Variants in IBTK observed in about 807,000 individuals in gnomAD.
IBTK encodes BTK-binding protein.
IBTK carries 83 observed loss-of-function variants against 154.9 expected under a neutral mutation model. That is an observed-to-expected ratio of 0.54 (90% CI 0.45 to 0.64). The LOEUF (loss-of-function observed/expected upper bound fraction) is 0.64. Among genes scored for constraint, IBTK ranks in the 30% least tolerant of loss-of-function variants. The probability of loss-of-function intolerance (pLI) is 0.00; values close to 1 mark genes in which losing one functional copy is unlikely to be tolerated. For missense variants in IBTK, 1,332 were observed against 1,584.6 expected, an observed-to-expected ratio of 0.84 and a Z score of 2.71; for synonymous variants, 515 against 536.1, an observed-to-expected ratio of 0.96 and a Z score of 0.54.
chr6:82,177,356 G>A lies in IBTK; in HGVS notation c.3726-3918C>T, dbSNP rs115824257. Among the ~76,000 whole-genome samples, 1,135 of 151,756 alleles carry A rather than the reference G, an allele frequency of 7.5e-3. 19 individuals carry two copies. Among genetic ancestry groups the A allele is most frequent in the African/African-American group, 0.026 (1,084 of 41,394 alleles). ...TCCCTAGTAGCTAAATTACAGACAT[G>A]CACCACTATGCCTGGCTAGCTTATT... On this transcript the variant is annotated intron_variant, in intron 26 of 28. Coordinates refer to ENST00000306270, the MANE Select transcript of IBTK (RefSeq NM_015525.4).
At chr6:82,225,771 C>G in intron 5 of IBTK, 124 bp from the exon 6 acceptor site, 1 of 678,190 alleles carries the variant, frequency 1.5e-6, no homozygotes, top group Non-Finnish European at 2.4e-6. Flanking sequence ...CTGTATCTAT[C>G]ATAGGTAAAT....
chr6:82,214,042 G>T lies in IBTK; in HGVS notation c.2204+185C>A, dbSNP rs796804463. 7.2e-5 allele frequency among the ~76,000 whole-genome samples: 11 copies of T among 151,734 alleles called. No homozygotes were observed. In the East Asian group the frequency reaches 2.1e-3, roughly 29 times the overall value. ...GCAATCTCGGCTCACTGCAAGCTCC[G>T]CCTCCCGGGTTCAGGCCATTCTCCT... On this transcript the variant is annotated intron_variant, in intron 12 of 28. Transcript: ENST00000306270.
chr6:82,240,040 G>A (rs1448423751), intron 2 of IBTK, 126 bp downstream of exon 2: 4 of 704,354 alleles, frequency 5.7e-6, no homozygotes, highest in African/African-American at 3.6e-5. Flanking sequence ...AGTTACAGTA[G>A]TAAGAGATAG....
intron 4 of IBTK, among the ~76,000 whole-genome samples, chr6:82,229,242 G>T (rs984424588): frequency 1.3e-5 from 2 of 152,028 alleles, no homozygotes; most frequent in East Asian, 3.9e-4. Flanking sequence ...CACAAAACAC[G>T]CCCACTGCCT....
chr6:82,211,048 A>G (rs1018607269), intron 15 of IBTK, 138 bp from the exon 16 acceptor site: 2 of 474,116 alleles, frequency 4.2e-6, no homozygotes, highest in Non-Finnish European at 7.4e-6. Context: ...TACAAAACAC[A>G]TGGCTAAAAT....
At chr6:82,175,011 AT>A (rs995821286) in intron 26 of IBTK, 1 of 456,014 alleles carries the variant, frequency 2.2e-6, no homozygotes, top group Non-Finnish European at 4.4e-6. Context: ...AACTTCAATC[AT>A]TATGATAAAG....
At chr6:82,200,752 A>ATTTTT in intron 19 of IBTK, 44 bp from the exon 20 acceptor site, 4 of 501,274 alleles carry the variant, frequency 8.0e-6, no homozygotes, top group Non-Finnish European at 1.2e-5. Flanking sequence ...AAATCTGTGA[A>ATTTTT]GTTTTTTTTT....
intron 1 of IBTK, among the ~76,000 whole-genome samples, chr6:82,245,313 C>G (rs1037455150): frequency 6.6e-6 from 1 of 152,100 alleles, no homozygotes; most frequent in South Asian, 2.1e-4. Context: ...AGTCCCAACA[C>G]TTTGTTAGGC....
chr6:82,213,980 C>T (rs1345239362), intron 12 of IBTK, among the ~76,000 whole-genome samples: 1 of 151,340 alleles, frequency 6.6e-6, no homozygotes, highest in African/African-American at 2.4e-5. Flanking sequence ...CTTTGAGACA[C>T]AGTCTCGCTC....
At chr6:82,200,397 T>C (rs959567711) in intron 20 of IBTK, 144 bp from the exon 21 acceptor site, 3 of 738,782 alleles carry the variant, frequency 4.1e-6, no homozygotes, top group Non-Finnish European at 4.4e-6. Flanking sequence ...ATATTAATTA[T>C]GTATTTACTT....
In IBTK at chr6:82,171,032, T is replaced by C. The variant is rs1767909789; in HGVS notation, c.*393A>G. 1 of 154,122 alleles carries C rather than the reference T, an allele frequency of 6.5e-6. No individual in the cohort carries two copies. Among genetic ancestry groups the C allele is most frequent in the Admixed American group, 6.5e-5 (1 of 15,364 alleles). 9.5% of individuals were successfully genotyped at this position (154,122 alleles called of 1,614,324 possible). On this transcript the variant is annotated 3_prime_UTR_variant, in exon 29 of 29. Transcript: ENST00000306270. ...CTACTTTAAATTCATCAATGCCATA[T>C]TTAAGAAGTCAAGCAACAACACATA...
chr6:82,231,830 A>G lies in IBTK; in HGVS notation c.431T>C (p.Val144Ala), dbSNP rs1267471738. ...VVFKNTDPTD[V>A]YTWGDNTNFT... is the part of the protein sequence containing the mutation. ...ATTTGTATTATCGCCCCAAGTATAAACATCTGTAGGATCTAAAATAAAAAT... is the reference window on the plus strand; with the variant it reads ...ATTTGTATTATCGCCCCAAGTATAAGCATCTGTAGGATCTAAAATAAAAAT... Residue 144 changes from valine to alanine, a missense_variant, in exon 4 of 29, where the codon GTT (valine) becomes GCT (alanine). Transcript: ENST00000306270. 3 of 1,565,306 alleles carry G rather than the reference A, an allele frequency of 1.9e-6. No homozygotes were observed. The highest frequency in any genetic ancestry group is 2.6e-6 in the Non-Finnish European group (3 of 1,150,686).
chr6:82,194,334 CA>C, intron 23 of IBTK, 144 bp downstream of exon 23: 1 of 648,006 alleles, frequency 1.5e-6, no homozygotes, highest in South Asian at 4.0e-5. Context: ...AGCTGGTTAG[CA>C]ATTTGTAGGT....
chr6:82,194,677 G>A lies in IBTK; in HGVS notation c.3175-35C>T, dbSNP rs752538735. ...GAAAAAAAATAAAAAAAGTTAACAG[G>A]CACCTAGAACAGTAACTAACACATA... On this transcript the variant is annotated intron_variant, in intron 22 of 28. Coordinates refer to ENST00000306270, the MANE Select transcript of IBTK (RefSeq NM_015525.4). 4 of 1,509,538 alleles carry A rather than the reference G, an allele frequency of 2.6e-6. No homozygotes were observed. In the South Asian group the frequency reaches 5.5e-5, roughly 21 times the overall value. The allele number at this position is 1,509,538 out of a possible 1,614,324, so 93.5% of individuals were successfully genotyped here.
chr6:82,225,622 T>C lies in IBTK; in HGVS notation c.680A>G (p.Asn227Ser). 6.2e-7 allele frequency: 1 copy of C among 1,611,646 alleles called. No individual in the cohort carries two copies. The highest frequency in any genetic ancestry group is 8.5e-7 in the Non-Finnish European group (1 of 1,179,334). The change falls in exon 6 of 29, where the codon AAT becomes AGT. Residue 227 changes from asparagine (N) to serine (S), a missense_variant. Transcript: ENST00000306270. ...CLVPRLVEGL[N>S]GHNCSQVAAA... The stretch of plus-strand genomic sequence containing the variant: ...TGCCACTTGGGAACAATTATGACCA[T>C]TCAGTCCTTCCACAAGCCGAGGGAC...
In IBTK at chr6:82,201,420, A is replaced by C; in HGVS notation, c.2790+2T>G. The C allele has an allele frequency of 6.2e-7, 1 of 1,605,542 alleles. No individual in the cohort carries two copies. Among genetic ancestry groups the C allele is most frequent in the Non-Finnish European group, 8.5e-7 (1 of 1,174,502 alleles). On this transcript the variant is annotated splice_donor_variant, in intron 19 of 28. Coordinates refer to ENST00000306270, the MANE Select transcript of IBTK (RefSeq NM_015525.4). LOFTEE classifies it high-confidence loss of function. ...GCGAAAATCTTAAAACATAAACCTT[A>C]CCATTTTCCGGTAAAACTCAGAAAG...
intron 4 of IBTK, among the ~76,000 whole-genome samples, chr6:82,230,444 T>C (rs1257446308): frequency 6.6e-6 from 1 of 152,140 alleles, no homozygotes; most frequent in Non-Finnish European, 1.5e-5. Context: ...AGACAAATAA[T>C]TCTGGAGAAG....
In IBTK at chr6:82,240,846, A is replaced by G. The variant is rs750082478; in HGVS notation, c.-357-3T>C. ...ATATCCATAATTGCAAGGGTGACCTATAAGAGAAAGAGAAGAGAAAATAAA... is the reference window on the plus strand; with the variant it reads ...ATATCCATAATTGCAAGGGTGACCTGTAAGAGAAAGAGAAGAGAAAATAAA... On this transcript the variant is annotated splice_region_variant and splice_polypyrimidine_tract_variant and intron_variant, in intron 1 of 28. Transcript: ENST00000306270. 133 of 407,252 alleles carry G rather than the reference A, an allele frequency of 3.3e-4. No homozygotes were observed. Among genetic ancestry groups the G allele is most frequent in the Middle Eastern group, 1.2e-3 (2 of 1,626 alleles). 25.2% of individuals were successfully genotyped at this position (407,252 alleles called of 1,614,324 possible). A position where few individuals can be genotyped will look rare whatever the true frequency, so the allele number is the denominator to read the frequency against.
Position 82,240,161 on chromosome 6 carries a change from A to G in IBTK, c.321+5T>C, listed in dbSNP as rs1307824412. On this transcript the variant is annotated splice_donor_5th_base_variant and intron_variant, in intron 2 of 28. Coordinates refer to ENST00000306270, the MANE Select transcript of IBTK (RefSeq NM_015525.4). ...ATACGTTTAAAATAAACAAATGACA[A>G]TTACCTTCAATAGAGACCAAACACA... The G allele has an allele frequency of 8.8e-6, 14 of 1,599,034 alleles. No homozygotes were observed. The highest frequency in any genetic ancestry group is 1.1e-5 in the South Asian group (1 of 89,646).
Sources: allele counts gnomAD v4.1 joint callset (sites outside exome capture counted in the v4.1 genomes callset), GRCh38; gene constraint gnomAD v4.1.1; transcripts MANE v1.5; gene names NCBI Gene and HGNC (gene_info 2026-07-23, HGNC 2026-07-21).